The following RNF216 variants were observed in gnomAD, a reference collection of about 807,000 sequenced individuals.
RNF216 encodes ring finger protein 216.
In RNF216, 72 loss-of-function variants were observed where a neutral mutation model predicts 110.8. The ratio of observed to expected loss-of-function variants is 0.65; its 90% CI spans 0.54 to 0.79. The LOEUF (loss-of-function observed/expected upper bound fraction) is 0.79. Ranked by LOEUF, RNF216 falls within the 30% of genes least tolerant of loss-of-function variation. RNF216 has a pLI of 0.00. For missense variants in RNF216, 1,342 were observed against 1,141.2 expected, an observed-to-expected ratio of 1.18 and a Z score of -2.54; for synonymous variants, 495 against 407.5, an observed-to-expected ratio of 1.21 and a Z score of -2.59.
chr7:5,635,308 T>TA (rs1270383354), intron 15 of RNF216, among the ~76,000 whole-genome samples: 6 of 150,060 alleles, frequency 4.0e-5, no homozygotes, highest in Admixed American at 4.0e-4. Context: ...TTTTTTTTTT[T>TA]AACACACAAT....
At position 5,692,074 on chromosome 7, in the gene RNF216, T is replaced by C. The variant is rs540481042; in HGVS notation, c.2061+19687A>G. ...TTTCCGACATTCCTACCCAGAGTTT[T>C]GCTGAAAAATAGAATGACAGCAAGT... On this transcript the variant is annotated intron_variant, in intron 13 of 16. Coordinates refer to ENST00000389902, the MANE Select transcript of RNF216 (RefSeq NM_207111.4). Among the ~76,000 whole-genome samples the C allele has an allele frequency of 4.6e-5, 7 of 152,382 alleles. No individual in the cohort carries two copies. In the South Asian group the frequency reaches 1.2e-3, roughly 27 times the overall value.
intron 10 of RNF216, among the ~76,000 whole-genome samples, chr7:5,715,805 G>A (rs1199038413): frequency 6.8e-6 from 1 of 147,500 alleles, no homozygotes; most frequent in Admixed American, 6.8e-5. Context: ...GCAGTGGCAC[G>A]ATCTTGGCTC....
chr7:5,762,210 C>T (rs1055398405), intron 1 of RNF216, among the ~76,000 whole-genome samples: 3 of 152,070 alleles, frequency 2.0e-5, no homozygotes, highest in Non-Finnish European at 4.4e-5. Flanking sequence ...ATTTAAAATA[C>T]ATTAAATTTA....
intron 7 of RNF216, among the ~76,000 whole-genome samples, chr7:5,725,872 G>A (rs1445548848): frequency 6.6e-6 from 1 of 150,570 alleles, no homozygotes; most frequent in Non-Finnish European, 1.5e-5. Flanking sequence ...AATAGGCAGT[G>A]GTAAAATAAA....
At chr7:5,720,035 T>G (rs1793317679) in intron 9 of RNF216, among the ~76,000 whole-genome samples, 1 of 152,238 alleles carries the variant, frequency 6.6e-6, no homozygotes, top group South Asian at 2.1e-4. Flanking sequence ...TGGTGTGTCT[T>G]AAAAATGTAA....
rs767612061 is a variant in RNF216 at position 5,624,132 on chromosome 7, C to T, written c.2383-7G>A. 1.9e-6 allele frequency: 3 copies of T among 1,612,426 alleles called. No individual in the cohort carries two copies. The highest frequency in any genetic ancestry group is 2.2e-5 in the East Asian group (1 of 44,882). ...TAAGCTTCTCATCATCTTCCTAAAA[C>T]GCAAGCAATGAGAAGGATGAACCTG... On this transcript the variant is annotated splice_polypyrimidine_tract_variant and splice_region_variant and intron_variant, in intron 15 of 16. Coordinates refer to ENST00000389902, the MANE Select transcript of RNF216 (RefSeq NM_207111.4). This position sits in a 1 kb window ranked among gnomAD's most constrained non-coding sequence, Gnocchi z 4.4.
chr7:5,769,724 A>T (rs957100354), intron 1 of RNF216, among the ~76,000 whole-genome samples: 1 of 151,004 alleles, frequency 6.6e-6, no homozygotes. Flanking sequence ...CTGTCTCAAA[A>T]AAAAGAAAAA....
At chr7:5,715,949 A>G (rs1270469725) in intron 10 of RNF216, among the ~76,000 whole-genome samples, 2 of 151,764 alleles carry the variant, frequency 1.3e-5, no homozygotes, top group African/African-American at 4.8e-5. Context: ...CACCACGTTG[A>G]CCAGGCTGGT....
intron 13 of RNF216, among the ~76,000 whole-genome samples, chr7:5,674,244 G>T (rs1315989233): frequency 1.3e-5 from 2 of 151,970 alleles, no homozygotes; most frequent in South Asian, 2.1e-4. Context: ...TGGTCAGGCT[G>T]GTCTCACACT....
At chr7:5,765,981 A>G (rs913858408) in intron 1 of RNF216, among the ~76,000 whole-genome samples, 4 of 151,076 alleles carry the variant, frequency 2.6e-5, no homozygotes, top group African/African-American at 9.7e-5. Flanking sequence ...AGAAAGAAAT[A>G]GAAACATGAA....
chr7:5,705,047 A>G (rs1253006290), intron 13 of RNF216, among the ~76,000 whole-genome samples: 1 of 152,184 alleles, frequency 6.6e-6, no homozygotes, highest in Non-Finnish European at 1.5e-5. Flanking sequence ...AGCATTTCTA[A>G]GCTAATAATA....
chr7:5,641,420 G>A (rs1273591844), intron 14 of RNF216, 44 bp from the exon 15 acceptor site: 9 of 1,513,686 alleles, frequency 5.9e-6, no homozygotes, highest in African/African-American at 5.6e-5. Context: ...GGAAGATGAG[G>A]AGGAAAAAAA....
intron 15 of RNF216, among the ~76,000 whole-genome samples, chr7:5,637,601 T>C (rs982729786): frequency 2.0e-5 from 3 of 152,134 alleles, no homozygotes; most frequent in Admixed American, 1.3e-4. Flanking sequence ...GGCAGAAGTG[T>C]AGTGGCGCAG....
intron 13 of RNF216, among the ~76,000 whole-genome samples, chr7:5,699,226 A>G (rs1177698593): frequency 6.6e-6 from 1 of 152,208 alleles, no homozygotes; most frequent in Non-Finnish European, 1.5e-5. Context: ...ATCCCAGATT[A>G]CAAATCTTTT....
intron 13 of RNF216, among the ~76,000 whole-genome samples, chr7:5,701,400 C>T (rs1338128590): frequency 6.6e-6 from 1 of 152,150 alleles, no homozygotes; most frequent in Non-Finnish European, 1.5e-5. Context: ...GGAGGCAGTT[C>T]CCCCTTTCTA....
At position 5,646,372 on chromosome 7, in the gene RNF216, CCAAAA is replaced by C. The variant is rs547423174; in HGVS notation, c.2160-5001_2160-4997del. ...CGGGGTGACAAGGCGAGACTCCATC[CCAAAA>C]CAAAACAAAACAAAACAAAAGGAAA... On this transcript the variant is annotated intron_variant, in intron 14 of 16. Transcript: ENST00000389902. Among the ~76,000 whole-genome samples the C allele has an allele frequency of 3.9e-3, 581 of 148,572 alleles. 3 individuals are homozygous for C. The highest frequency in any genetic ancestry group is 0.014 in the African/African-American group (545 of 40,208).
chr7:5,761,088 A>G lies in RNF216; in HGVS notation c.-19T>C. 1 of 1,550,508 alleles carries G rather than the reference A, an allele frequency of 6.4e-7. No individual in the cohort carries two copies. The highest frequency in any genetic ancestry group is 1.2e-5 in the South Asian group (1 of 82,922). ...CTTCCATTTTCAAATGCAGACATGC[A>G]TATATGGGACTGCTAATATCTAAAC... On this transcript the variant is annotated 5_prime_UTR_variant, in exon 2 of 17. The change abolishes an upstream ATG in the 5' untranslated region. Transcript: ENST00000389902.
At chr7:5,711,728 A>G (rs1175128301) in intron 13 of RNF216, 33 bp downstream of exon 13, 3 of 1,573,678 alleles carry the variant, frequency 1.9e-6, no homozygotes, top group South Asian at 2.3e-5. Flanking sequence ...ACCATAATTC[A>G]ATATACATCT....
chr7:5,778,373 C>T (rs140026889), intron 1 of RNF216, among the ~76,000 whole-genome samples: 227 of 152,304 alleles, frequency 1.5e-3, no homozygotes, highest in African/African-American at 5.3e-3. Context: ...AAAATTGTTC[C>T]TGATTATCCC....
Sources: gnomAD v4.1 joint callset for allele counts (sites outside exome capture counted in the v4.1 genomes callset) on GRCh38, gnomAD v4.1.1 for gene constraint, Gnocchi (gnomAD v3.1) non-coding constraint, MANE v1.5 for transcripts, NCBI Gene and HGNC (gene_info 2026-07-23, HGNC 2026-07-21) for gene names.